The following SRCIN1 variants were observed in gnomAD, a reference collection of about 807,000 sequenced individuals.
SRCIN1 encodes the protein P130Cas-associated protein.
A neutral mutation model predicts 116.2 loss-of-function variants in SRCIN1; 50 were observed. The ratio of observed to expected loss-of-function variants is 0.43; its 90% confidence interval spans 0.34 to 0.54. The LOEUF (loss-of-function observed/expected upper bound fraction) is 0.54, where lower values mean the gene tolerates loss of function less well. SRCIN1 is among the 20% of genes least tolerant of loss of function. The probability of loss-of-function intolerance (pLI) is 0.02; values close to 1 mark genes in which losing one functional copy is unlikely to be tolerated. For synonymous variants in SRCIN1, 736 were observed against 750.0 expected (o/e 0.98, Z 0.30); for missense variants, 1,446 against 1,672.0 (o/e 0.86, Z 2.36).
rs906647161 is a variant in SRCIN1 at position 38,572,349 on chromosome 17, AGTGT to A, written c.325-4122_325-4119del. Among the ~76,000 whole-genome samples, 1 of 45,066 alleles carries A rather than the reference AGTGT, an allele frequency of 2.2e-5. No homozygotes were observed. Among genetic ancestry groups the A allele is most frequent in the African/African-American group, 8.8e-5 (1 of 11,388 alleles). The allele number at this position is 45,066 out of a possible 152,430, so 29.6% of individuals were successfully genotyped here. A position where few individuals can be genotyped will look rare whatever the true frequency, so the allele number is the denominator to read the frequency against. On this transcript the variant is annotated intron_variant, in intron 2 of 18. Coordinates refer to ENST00000617146, the MANE Select transcript of SRCIN1 (RefSeq NM_025248.3). The surrounding 1 kb of genome is among the most constrained non-coding windows in gnomAD (Gnocchi z 4.3). ...CACCCTCATCTCCTTCCCAATGCAG[AGTGT>A]GTGTGTGGGTGGGTGGGTGGGGGTG...
intron 11 of SRCIN1, among the ~76,000 whole-genome samples, chr17:38,556,249 T>C (rs1198519442): frequency 1.3e-5 from 2 of 152,236 alleles, no homozygotes; most frequent in Admixed American, 1.3e-4. Flanking sequence ...CAGCAGAGCA[T>C]TACACCAAGC....
intron 1 of SRCIN1, among the ~76,000 whole-genome samples, chr17:38,598,748 G>T (rs952365185): frequency 1.3e-5 from 2 of 152,328 alleles, no homozygotes; most frequent in South Asian, 4.1e-4. Flanking sequence ...ATAAGGCTGT[G>T]GGGGAGCTGA....
At chr17:38,594,923 G>C (rs754034355) in intron 1 of SRCIN1, among the ~76,000 whole-genome samples, 11 of 152,124 alleles carry the variant, frequency 7.2e-5, no homozygotes, top group Non-Finnish European at 1.2e-4. Context: ...TAATGATGTT[G>C]CCCTTAGCCA....
At chr17:38,564,047 G>A (rs1906485512) in intron 4 of SRCIN1, 71 bp downstream of exon 4, 3 of 1,499,226 alleles carry the variant, frequency 2.0e-6, no homozygotes, top group Non-Finnish European at 2.7e-6. Flanking sequence ...AGGGGAGGAG[G>A]GGGCTCCAGG....
At chr17:38,555,570 C>A (rs1905730801) in intron 11 of SRCIN1, among the ~76,000 whole-genome samples, 1 of 152,170 alleles carries the variant, frequency 6.6e-6, no homozygotes, top group African/African-American at 2.4e-5. Flanking sequence ...TATCCTAAGA[C>A]TCTGGCATTT....
Position 38,604,191 on chromosome 17 carries a change from A to AC in SRCIN1, c.22+1492dup, listed in dbSNP as rs1452968386. On this transcript the variant is annotated intron_variant, in intron 1 of 18. Coordinates refer to ENST00000617146, the MANE Select transcript of SRCIN1 (RefSeq NM_025248.3). The surrounding 1 kb of genome is among the most constrained non-coding windows in gnomAD (Gnocchi z 4.3). ...GAGTCGGGAAGAAGGTATCCTGACG[A>AC]CCCCCCAAAAGTGCTCAAACCCCAC... is the stretch of plus-strand genomic sequence containing the variant. Among the ~76,000 whole-genome samples, 1 of 150,418 alleles carries AC rather than the reference A, an allele frequency of 6.6e-6. No homozygotes were observed. The highest frequency in any genetic ancestry group is 1.5e-5 in the Non-Finnish European group (1 of 67,632).
intron 16 of SRCIN1, 113 bp from the exon 17 acceptor site, chr17:38,548,822 C>A: frequency 7.2e-7 from 1 of 1,395,048 alleles, no homozygotes; most frequent in Non-Finnish European, 9.4e-7. Context: ...ACTTCTGCTG[C>A]TACACCCCTG....
chr17:38,561,515 G>C lies in SRCIN1; in HGVS notation c.1648C>G (p.Arg550Gly), dbSNP rs1255786993. Residue 550 changes from arginine to glycine, a missense_variant, in exon 7 of 19, where the codon CGC (arginine) becomes GGC (glycine). Transcript: ENST00000617146. ...PSELFPGPGERSLVGFGPPVP... is the reference protein window; with the variant it reads ...PSELFPGPGEGSLVGFGPPVP... ...GGCGGCCCGAACCCAACCAGCGAGC[G>C]TTCCCCAGGCCCAGGGAAGAGCTCC... The C allele has an allele frequency of 6.3e-7, 1 of 1,596,972 alleles. No individual in the cohort carries two copies. The highest frequency in any genetic ancestry group is 1.4e-5 in the African/African-American group (1 of 73,610).
At position 38,605,680 on chromosome 17, in the gene SRCIN1, A is replaced by C; in HGVS notation, c.22+4T>G. The C allele has an allele frequency of 7.9e-7, 1 of 1,262,910 alleles. No individual in the cohort carries two copies. Among genetic ancestry groups the C allele is most frequent in the Non-Finnish European group, 1.0e-6 (1 of 989,936 alleles). The allele number at this position is 1,262,910 out of a possible 1,614,324, so 78.2% of individuals were successfully genotyped here. A position where few individuals can be genotyped will look rare whatever the true frequency, so the allele number is the denominator to read the frequency against. Reference sequence around the variant, plus strand: ...CATTAGGGAGGAGAGAGACAGGGACATGCCTTGGGACGGAGCGTTCCCCAT... The same window carrying C: ...CATTAGGGAGGAGAGAGACAGGGACCTGCCTTGGGACGGAGCGTTCCCCAT... On this transcript the variant is annotated splice_donor_region_variant and intron_variant, in intron 1 of 18. Coordinates refer to ENST00000617146, the MANE Select transcript of SRCIN1 (RefSeq NM_025248.3).
rs577701991 is a variant in SRCIN1 at position 38,568,940 on chromosome 17, G to A, written c.325-709C>T. Reference sequence around the variant, plus strand: ...ATCAGGATGGATGGGGCAGGGGTCGGAGGAGGGGGGCTGGGGCCCAAGGCC... The same window carrying A: ...ATCAGGATGGATGGGGCAGGGGTCGAAGGAGGGGGGCTGGGGCCCAAGGCC... On this transcript the variant is annotated intron_variant, in intron 2 of 18. Coordinates refer to ENST00000617146, the MANE Select transcript of SRCIN1 (RefSeq NM_025248.3). The surrounding 1 kb of genome is among the most constrained non-coding windows in gnomAD (Gnocchi z 4.5). Among the ~76,000 whole-genome samples the A allele has an allele frequency of 9.2e-5, 14 of 152,026 alleles. No individual in the cohort carries two copies. The highest frequency in any genetic ancestry group is 3.9e-4 in the Admixed American group (6 of 15,288).
At chr17:38,589,696 G>A (rs577514786) in intron 1 of SRCIN1, among the ~76,000 whole-genome samples, 9 of 152,332 alleles carry the variant, frequency 5.9e-5, no homozygotes, top group African/African-American at 1.9e-4. Context: ...GGGGGCCGGA[G>A]AGCCTCTGCC....
intron 1 of SRCIN1, among the ~76,000 whole-genome samples, chr17:38,598,942 G>A (rs919814117): frequency 6.6e-6 from 1 of 152,168 alleles, no homozygotes; most frequent in African/African-American, 2.4e-5. Context: ...GGCAGATGTA[G>A]GCAAGGTGTG....
chr17:38,586,764 G>A (rs952175882), intron 1 of SRCIN1, among the ~76,000 whole-genome samples: 7 of 152,362 alleles, frequency 4.6e-5, no homozygotes, highest in Admixed American at 2.0e-4. Flanking sequence ...GCTTTGTGTA[G>A]GCAGAAAAAC....
At position 38,563,826 on chromosome 17, in the gene SRCIN1, A is replaced by G; in HGVS notation, c.541+292T>C. On this transcript the variant is annotated intron_variant, in intron 4 of 18. Transcript: ENST00000617146. This position sits in a 1 kb window ranked among gnomAD's most constrained non-coding sequence, Gnocchi z 5.8. ...AGGGGAAGTGAGCTGAGGGAGAGAG[A>G]GGTTGGAGAGAGTTAGAGAAGGGAG... 3.2e-6 allele frequency: 2 copies of G among 624,856 alleles called. No homozygotes were observed. The highest frequency in any genetic ancestry group is 1.9e-5 in the South Asian group (1 of 53,830). The allele number at this position is 624,856 out of a possible 1,614,324, so 38.7% of individuals were successfully genotyped here. A position where few individuals can be genotyped will look rare whatever the true frequency, so the allele number is the denominator to read the frequency against.
rs2033359871 is a variant in SRCIN1 at position 38,552,195 on chromosome 17, G to A, written c.2481-63C>T. On this transcript the variant is annotated intron_variant, in intron 13 of 18. Transcript: ENST00000617146. The surrounding 1 kb of genome is among the most constrained non-coding windows in gnomAD (Gnocchi z 5.3). ...CAGGTGGTGACCCTTCTGCAGGAAG[G>A]CTGCTCTGAGGGAGGTGGGGTGGGA... is the stretch of plus-strand genomic sequence containing the variant. 3 of 1,560,346 alleles carry A rather than the reference G, an allele frequency of 1.9e-6. No homozygotes were observed. Among genetic ancestry groups the A allele is most frequent in the Non-Finnish European group, 2.6e-6 (3 of 1,150,850 alleles).
At position 38,562,242 on chromosome 17, in the gene SRCIN1, C is replaced by A; in HGVS notation, c.921G>T (p.Ser307=). 3 of 1,457,940 alleles carry A rather than the reference C, an allele frequency of 2.1e-6. No individual in the cohort carries two copies. Among genetic ancestry groups the A allele is most frequent in the South Asian group, 2.7e-5 (2 of 74,480 alleles). 90.3% of individuals were successfully genotyped at this position (1,457,940 alleles called of 1,614,324 possible). A position where few individuals can be genotyped will look rare whatever the true frequency, so the allele number is the denominator to read the frequency against. ...GCCCCGACGGCAGCCCGGGCGGCGG[C>A]GAGCCGGATGCCAGGTGCGGCGCTG... The part of the protein sequence containing the change: ...LSPAPHLASG[S]PPPGLPSGLP... The change falls in exon 7 of 19, where the codon TCG becomes TCT. Residue 307 remains serine (S), a synonymous_variant. Coordinates refer to ENST00000617146, the MANE Select transcript of SRCIN1 (RefSeq NM_025248.3). The surrounding 1 kb of genome is among the most constrained non-coding windows in gnomAD (Gnocchi z 4.2).
chr17:38,534,075 G>A (rs58182654), intron 18 of SRCIN1, among the ~76,000 whole-genome samples: 4,287 of 152,212 alleles, frequency 0.028, 230 homozygotes, highest in African/African-American at 0.096. Context: ...AGCACTTGTC[G>A]CCCCAGTTGG....
upstream of SRCIN1, among the ~76,000 whole-genome samples, chr17:38,606,367 T>TG (rs1909369204): frequency 6.6e-6 from 1 of 151,480 alleles, no homozygotes; most frequent in African/African-American, 2.4e-5. This position sits in a 1 kb window ranked among gnomAD's most constrained non-coding sequence, Gnocchi z 5.2. Context: ...GCGGCGAGAC[T>TG]GGGGGCTCCC....
rs1224619739 is a variant in SRCIN1 at position 38,551,962 on chromosome 17, G to A, written c.2651C>T (p.Thr884Ile). ...LSGPAEGASL[T>I]PKGGNPTKGL... The stretch of plus-strand genomic sequence containing the variant: ...TTTGGTGGGGTTGCCCCCCTTGGGG[G>A]TAAGAGAGGCTCCTTCAGCTGGCCC... Residue 884 changes from threonine to isoleucine, a missense_variant, in exon 14 of 19, where the codon ACC (threonine) becomes ATC (isoleucine). By Grantham distance (89) the Thr-to-Ile change is moderately conservative (BLOSUM62 -1). Coordinates refer to ENST00000617146, the MANE Select transcript of SRCIN1 (RefSeq NM_025248.3). The A allele has an allele frequency of 1.2e-6, 2 of 1,613,956 alleles. No homozygotes were observed. The highest frequency in any genetic ancestry group is 1.3e-5 in the African/African-American group (1 of 74,946).
Sources: gnomAD v4.1 joint callset for allele counts (sites outside exome capture counted in the v4.1 genomes callset) on GRCh38, gnomAD v4.1.1 for gene constraint, Gnocchi (gnomAD v3.1) non-coding constraint, MANE v1.5 for transcripts, NCBI Gene and HGNC (gene_info 2026-07-23, HGNC 2026-07-21) for gene names.